MSL2: variants seen among roughly 807,000 people sequenced by gnomAD.
MSL2 encodes MSL complex subunit 2.
In MSL2, 2 loss-of-function variants were observed where a neutral mutation model predicts 35.8. The ratio of observed to expected loss-of-function variants is 0.06; its 90% CI spans 0.02 to 0.18. The LOEUF (loss-of-function observed/expected upper bound fraction) is 0.18. MSL2 is among the 10% of genes least tolerant of loss of function. The pLI, the probability that MSL2 is intolerant of heterozygous loss-of-function variation, is 1.00. For missense variants in MSL2, 523 were observed against 706.7 expected (o/e 0.74, Z 2.95); for synonymous variants, 296 against 255.7 (o/e 1.16, Z -1.50).
chr3:136,194,417 C>T (rs1450865042), intron 1 of MSL2: 1 of 985,202 alleles, frequency 1.0e-6, no homozygotes, highest in Non-Finnish European at 1.2e-6. Flanking sequence ...ACTTCGAGTA[C>T]CAACAGCCTT....
Position 136,151,965 on chromosome 3 carries a change from G to A in MSL2, c.916C>T (p.Leu306Phe). 2 of 1,614,204 alleles carry A rather than the reference G, an allele frequency of 1.2e-6. No individual in the cohort carries two copies. Among genetic ancestry groups the A allele is most frequent in the Non-Finnish European group, 1.7e-6 (2 of 1,180,034 alleles). Residue 306 changes from leucine (L) to phenylalanine (F), a missense_variant, in exon 2 of 2, where the codon CTT becomes TTT. Physicochemically the swap from Leu to Phe is conservative, Grantham distance 22 (BLOSUM62 0). Coordinates refer to ENST00000309993, the MANE Select transcript of MSL2 (RefSeq NM_018133.4). The surrounding 1 kb of genome is among the most constrained non-coding windows in gnomAD (Gnocchi z 5.2). ...ATVSNGPFLQ[L>F]SSQSLSHNVF... The stretch of plus-strand genomic sequence containing the variant: ...TTATGGCTAAGAGACTGGGAAGAAA[G>A]CTGCAGAAAAGGTCCATTGGATACA...
At chr3:136,159,456 C>T (rs1453509664) in intron 1 of MSL2, among the ~76,000 whole-genome samples, 15 of 144,386 alleles carry the variant, frequency 1.0e-4, no homozygotes, top group African/African-American at 3.8e-4. Context: ...CTCCGCCTCT[C>T]GGGTTCACAC....
chr3:136,161,614 A>G (rs538493166), intron 1 of MSL2, among the ~76,000 whole-genome samples: 22 of 152,344 alleles, frequency 1.4e-4, no homozygotes, highest in Non-Finnish European at 2.4e-4. Flanking sequence ...ACAAGAGTAC[A>G]TTATTGCATA....
chr3:136,195,798 A>AG lies in MSL2; in HGVS notation c.-686dup, dbSNP rs1940827154. On this transcript the variant is annotated 5_prime_UTR_variant, in exon 1 of 2. Transcript: ENST00000309993. The stretch of plus-strand genomic sequence containing the variant: ...CAGCCCGCAGTTCCCCGAGGTGGCG[A>AG]GGCGGGCGGGAGTCCTCAACCCGGA... The AG allele has an allele frequency of 1.0e-6, 1 of 984,230 alleles. No homozygotes were observed. Among genetic ancestry groups the AG allele is most frequent in the Non-Finnish European group, 1.2e-6 (1 of 829,726 alleles). 61.0% of individuals were successfully genotyped at this position (984,230 alleles called of 1,614,324 possible). A position where few individuals can be genotyped will look rare whatever the true frequency, so the allele number is the denominator to read the frequency against.
intron 1 of MSL2, among the ~76,000 whole-genome samples, chr3:136,157,446 G>A (rs980013670): frequency 2.6e-5 from 4 of 152,094 alleles, no homozygotes; most frequent in Non-Finnish European, 5.9e-5. Flanking sequence ...AGGTTGCAGT[G>A]AGCCAAGATA....
At chr3:136,194,297 C>G in intron 1 of MSL2, 1 of 449,640 alleles carries the variant, frequency 2.2e-6, no homozygotes. Context: ...CTACCCACCA[C>G]GAGTTAATTT....
intron 1 of MSL2, 67 bp downstream of exon 1, chr3:136,194,905 A>G (rs1162120556): frequency 6.2e-7 from 1 of 1,602,508 alleles, no homozygotes; most frequent in Non-Finnish European, 8.5e-7. Context: ...CAACCCGCTC[A>G]CGTTACCACT....
chr3:136,189,318 A>G (rs1454532861), intron 1 of MSL2, among the ~76,000 whole-genome samples: 2 of 147,398 alleles, frequency 1.4e-5, no homozygotes, highest in East Asian at 4.0e-4. Flanking sequence ...AAAAAAAAAA[A>G]AAAAAGTTAA....
chr3:136,190,742 T>C lies in MSL2; in HGVS notation c.142+4230A>G, dbSNP rs567862808. ...CATAAAATCCTTAGGCCAAAACTTA[T>C]CAAGTCTCATCTTATCAAAAGAAAA... On this transcript the variant is annotated intron_variant, in intron 1 of 1. Transcript: ENST00000309993. Among the ~76,000 whole-genome samples, 22 of 152,284 alleles carry C rather than the reference T, an allele frequency of 1.4e-4. No homozygotes were observed. The South Asian group carries it at 4.1e-3, about 29-fold the overall frequency.
chr3:136,161,518 G>T (rs999183211), intron 1 of MSL2, among the ~76,000 whole-genome samples: 1 of 152,162 alleles, frequency 6.6e-6, no homozygotes, highest in African/African-American at 2.4e-5. Context: ...ATGCAATGGA[G>T]TTCAGCAATT....
intron 1 of MSL2, among the ~76,000 whole-genome samples, chr3:136,161,367 A>T (rs1939703513): frequency 6.6e-6 from 1 of 152,208 alleles, no homozygotes; most frequent in African/African-American, 2.4e-5. Context: ...ACTCCTAGGA[A>T]CCTACCTAAA....
intron 1 of MSL2, among the ~76,000 whole-genome samples, chr3:136,179,850 GAGGT>G (rs1940285729): frequency 6.6e-6 from 1 of 152,114 alleles, no homozygotes; most frequent in Non-Finnish European, 1.5e-5. Flanking sequence ...GTGATCACCT[GAGGT>G]CAAGAGTTTG....
intron 1 of MSL2, among the ~76,000 whole-genome samples, chr3:136,191,217 C>G (rs1349727838): frequency 6.6e-6 from 1 of 152,188 alleles, no homozygotes; most frequent in Admixed American, 6.5e-5. Flanking sequence ...ACCTGTAATC[C>G]CAGCACTTTG....
intron 1 of MSL2, among the ~76,000 whole-genome samples, chr3:136,181,865 G>A (rs1459364016): frequency 1.3e-5 from 2 of 151,914 alleles, no homozygotes; most frequent in Admixed American, 6.6e-5. Flanking sequence ...GTTGCAGTGA[G>A]CCAACACAGT....
chr3:136,176,831 G>A (rs1940194445), intron 1 of MSL2, among the ~76,000 whole-genome samples: 1 of 152,106 alleles, frequency 6.6e-6, no homozygotes, highest in African/African-American at 2.4e-5. Context: ...TCCCTGTACA[G>A]CCTGCAGAAC....
intron 1 of MSL2, among the ~76,000 whole-genome samples, chr3:136,175,322 C>T (rs868774266): frequency 8.1e-5 from 12 of 148,354 alleles, no homozygotes; most frequent in East Asian, 2.0e-4. Context: ...CCAGCCTGGG[C>T]GACAGAGCAA....
chr3:136,152,614 C>G lies in MSL2; in HGVS notation c.267G>C (p.Gln89His). The G allele has an allele frequency of 6.2e-7, 1 of 1,614,186 alleles. No individual in the cohort carries two copies. Among genetic ancestry groups the G allele is most frequent in the South Asian group, 1.1e-5 (1 of 91,082 alleles). The change falls in exon 2 of 2, where the codon CAG (glutamine) becomes CAC (histidine). Residue 89 changes from glutamine to histidine, a missense_variant. Physicochemically the swap from Gln to His is conservative, Grantham distance 24. Around this residue, in one of 5 missense-constraint regions of MSL2, gnomAD observed 41 missense variants for 83.3 expected, o/e 0.49. Coordinates refer to ENST00000309993, the MANE Select transcript of MSL2 (RefSeq NM_018133.4). ...PSCSWCKDYE[Q>H]FEENKQLSIL... ...TGCTTAACTGCTTGTTTTCCTCAAA[C>G]TGCTCATAGTCTTTGCACCAGCTAC...
At chr3:136,192,859 A>C (rs1055943522) in intron 1 of MSL2, among the ~76,000 whole-genome samples, 1 of 152,242 alleles carries the variant, frequency 6.6e-6, no homozygotes, top group Admixed American at 6.5e-5. Flanking sequence ...AGTCTAGTAC[A>C]TACCTGGTAC....
chr3:136,193,463 T>G (rs897097832), intron 1 of MSL2, among the ~76,000 whole-genome samples: 2 of 149,760 alleles, frequency 1.3e-5, no homozygotes, highest in Non-Finnish European at 3.0e-5. Context: ...TCCCCCTACC[T>G]CACCATAGTA....
Sources: allele counts gnomAD v4.1 joint callset (sites outside exome capture counted in the v4.1 genomes callset), GRCh38; gene constraint gnomAD v4.1.1; regional missense constraint gnomAD v4.1.1; non-coding constraint Gnocchi (gnomAD v3.1); transcripts MANE v1.5; gene names NCBI Gene and HGNC (gene_info 2026-07-23, HGNC 2026-07-21).